CPNE4: variants seen among roughly 807,000 people sequenced by gnomAD.
CPNE4 encodes copine-4.
CPNE4 carries 25 observed loss-of-function variants against 67.9 expected under a neutral mutation model. The observed-to-expected ratio is 0.37, with a 90% CI of 0.27 to 0.51. The LOEUF is 0.51. Ranked by LOEUF, CPNE4 falls within the 20% of genes least tolerant of loss-of-function variation. The probability of loss-of-function intolerance (pLI) is 0.93; values close to 1 mark genes in which losing one functional copy is unlikely to be tolerated. For synonymous variants in CPNE4, 242 were observed against 244.9 expected, an observed-to-expected ratio of 0.99 and a Z score of 0.11; for missense variants, 464 against 690.8, an observed-to-expected ratio of 0.67 and a Z score of 3.68.
At chr3:131,746,565 T>C (rs1849511) in intron 2 of CPNE4, among the ~76,000 whole-genome samples, 146,003 of 152,230 alleles carry the variant, frequency 0.96, 70,246 homozygotes, top group Non-Finnish European at 1. Flanking sequence ...AACATAGTGT[T>C]TTCCAGTTCC....
At chr3:131,563,400 C>T (rs894701310) in intron 11 of CPNE4, among the ~76,000 whole-genome samples, 4 of 151,974 alleles carry the variant, frequency 2.6e-5, no homozygotes, top group African/African-American at 9.7e-5. Flanking sequence ...ACCTAAATTC[C>T]TTTACTTCAT....
chr3:131,888,403 TA>T lies in CPNE4; in HGVS notation c.180+16860del, dbSNP rs35504853. On this transcript the variant is annotated intron_variant, in intron 2 of 15. Transcript: ENST00000429747. ...TTTCAACAGGAACTAGTCTTTGGGT[TA>T]AAAAAAAAAAGTCTCTAGGACTAAC... is the stretch of plus-strand genomic sequence containing the variant. 2.6e-3 allele frequency among the ~76,000 whole-genome samples: 380 copies of T among 147,746 alleles called. 1 individual carries two copies. Among genetic ancestry groups the T allele is most frequent in the Middle Eastern group, 7.2e-3 (2 of 278 alleles).
chr3:131,598,203 G>A (rs1219522698), intron 7 of CPNE4, among the ~76,000 whole-genome samples: 1 of 152,142 alleles, frequency 6.6e-6, no homozygotes, highest in African/African-American at 2.4e-5. Flanking sequence ...TCAGGATAAT[G>A]CTGTGAGACC....
chr3:131,925,338 C>T (rs1212198984), intron 1 of CPNE4, among the ~76,000 whole-genome samples: 2 of 152,176 alleles, frequency 1.3e-5, no homozygotes, highest in Non-Finnish European at 2.9e-5. Context: ...GTTGGCTGTC[C>T]CACCTCAATG....
intron 1 of CPNE4, among the ~76,000 whole-genome samples, chr3:131,909,800 A>G (rs2088908595): frequency 6.6e-6 from 1 of 152,180 alleles, no homozygotes; most frequent in African/African-American, 2.4e-5. Context: ...GATATTCTAT[A>G]TCAAGTGTAT....
At chr3:131,898,796 G>A (rs1300203272) in intron 2 of CPNE4, among the ~76,000 whole-genome samples, 5 of 151,952 alleles carry the variant, frequency 3.3e-5, no homozygotes, top group Non-Finnish European at 7.4e-5. Context: ...AATACTCAGG[G>A]TAAGATTTCT....
At chr3:131,668,484 C>T (rs2080317266) in intron 7 of CPNE4, among the ~76,000 whole-genome samples, 1 of 152,144 alleles carries the variant, frequency 6.6e-6, no homozygotes, top group Non-Finnish European at 1.5e-5. Flanking sequence ...AAGCCATTAA[C>T]TGTCTCAGTT....
intron 10 of CPNE4, among the ~76,000 whole-genome samples, chr3:131,573,017 C>A (rs1215385502): frequency 6.6e-6 from 1 of 152,010 alleles, no homozygotes; most frequent in African/African-American, 2.4e-5. Flanking sequence ...TAAGTTGCAC[C>A]ACTTGAGCAA....
intron 14 of CPNE4, 129 bp from the exon 15 acceptor site, chr3:131,542,922 T>G (rs946247550): frequency 1.1e-5 from 7 of 651,730 alleles, no homozygotes; most frequent in African/African-American, 5.4e-5. Context: ...TGACAGACAT[T>G]TTTTGAATGT....
At chr3:131,794,371 A>G (rs2083863210) in intron 2 of CPNE4, among the ~76,000 whole-genome samples, 1 of 151,890 alleles carries the variant, frequency 6.6e-6, no homozygotes, top group Admixed American at 6.6e-5. Context: ...CAGCCTCCTG[A>G]GTAGTTGGCA....
In CPNE4 at chr3:131,725,900, G is replaced by A. The variant is rs183803994; in HGVS notation, c.181-2275C>T. ...CTTCACTTCTCACAGCAACTTCCAGGCCTTTCTCCTTCATTTAATTTCTCT... is the reference window on the plus strand; with the variant it reads ...CTTCACTTCTCACAGCAACTTCCAGACCTTTCTCCTTCATTTAATTTCTCT... On this transcript the variant is annotated intron_variant, in intron 2 of 15. Transcript: ENST00000429747. Among the ~76,000 whole-genome samples the A allele has an allele frequency of 2.3e-3, 353 of 152,242 alleles. 2 individuals are homozygous for A. Among genetic ancestry groups the A allele is most frequent in the African/African-American group, 8.0e-3 (333 of 41,516 alleles).
intron 1 of CPNE4, among the ~76,000 whole-genome samples, chr3:132,003,350 G>A (rs1016809625): frequency 6.6e-6 from 1 of 152,064 alleles, no homozygotes; most frequent in African/African-American, 2.4e-5. Context: ...TCTTTTCAGA[G>A]AGGCTTTAAG....
chr3:131,728,622 A>G (rs1388052020), intron 2 of CPNE4, among the ~76,000 whole-genome samples: 1 of 151,982 alleles, frequency 6.6e-6, no homozygotes, highest in African/African-American at 2.4e-5. Flanking sequence ...TAGAAATTGG[A>G]TTGTGTGGCC....
intron 1 of CPNE4, among the ~76,000 whole-genome samples, chr3:132,025,647 G>C (rs544006668): frequency 5.9e-5 from 9 of 152,316 alleles, no homozygotes; most frequent in African/African-American, 2.2e-4. Flanking sequence ...TCTAGTTTGT[G>C]AGAGATGCCA....
At chr3:131,794,309 C>T (rs1220313834) in intron 2 of CPNE4, among the ~76,000 whole-genome samples, 1 of 151,498 alleles carries the variant, frequency 6.6e-6, no homozygotes, top group Admixed American at 6.6e-5. Context: ...ATCATCTCAG[C>T]TCACTGCAAC....
Position 131,905,352 on chromosome 3 carries a change from G to A in CPNE4, c.92C>T (p.Ala31Val), listed in dbSNP as rs762158244. 1.9e-5 allele frequency: 31 copies of A among 1,613,544 alleles called. No homozygotes were observed. The highest frequency in any genetic ancestry group is 1.9e-4 in the South Asian group (17 of 91,064). Residue 31 changes from alanine (A) to valine (V), a missense_variant, in exon 2 of 16, where the codon GCG becomes GTG. By Grantham distance (64) the Ala-to-Val change is moderately conservative (BLOSUM62 0). Coordinates refer to ENST00000429747, the MANE Select transcript of CPNE4 (RefSeq NM_130808.3). ...PCLTKVELRVACKGISDRDAL... is the reference protein window; with the variant it reads ...PCLTKVELRVVCKGISDRDAL... ...ATCTCTGTCAGAAATGCCTTTGCAC[G>A]CCACACGCAGCTCAACTTTGGTCAG...
chr3:131,705,022 A>AC (rs2081383839), intron 3 of CPNE4, among the ~76,000 whole-genome samples: 1 of 152,024 alleles, frequency 6.6e-6, no homozygotes, highest in Non-Finnish European at 1.5e-5. Flanking sequence ...GAACTCACAC[A>AC]CATTCTCTCT....
chr3:131,576,838 G>A (rs1391985353), intron 9 of CPNE4, among the ~76,000 whole-genome samples: 2 of 152,052 alleles, frequency 1.3e-5, no homozygotes, highest in African/African-American at 4.8e-5. Flanking sequence ...CCATGTGAGT[G>A]GTTTCTAGTT....
chr3:131,668,901 C>T (rs986403066), intron 7 of CPNE4, among the ~76,000 whole-genome samples: 13 of 152,116 alleles, frequency 8.5e-5, no homozygotes, highest in African/African-American at 1.2e-4. Context: ...AAAGTGGCCA[C>T]GATACTTTGG....
Sources: allele counts gnomAD v4.1 joint callset (sites outside exome capture counted in the v4.1 genomes callset), GRCh38; gene constraint gnomAD v4.1.1; transcripts MANE v1.5; gene names NCBI Gene and HGNC (gene_info 2026-07-23, HGNC 2026-07-21).